Variants in ZC3H7A observed in about 807,000 individuals in gnomAD.
ZC3H7A encodes the protein zinc finger CCCH domain-containing protein 7A.
A neutral mutation model predicts 125.5 loss-of-function variants in ZC3H7A; 44 were observed. The ratio of observed to expected loss-of-function variants is 0.35; its 90% CI spans 0.28 to 0.45. The LOEUF (loss-of-function observed/expected upper bound fraction) is 0.45. ZC3H7A is among the 20% of genes least tolerant of loss of function. The pLI is 1.00. For synonymous variants in ZC3H7A, 399 were observed against 391.2 expected (o/e 1.02, Z -0.23); for missense variants, 977 against 1,170.7 (o/e 0.83, Z 2.41).
At chr16:11,778,839 G>C (rs565125776) in intron 4 of ZC3H7A, among the ~76,000 whole-genome samples, 1 of 151,760 alleles carries the variant, frequency 6.6e-6, no homozygotes, top group Non-Finnish European at 1.5e-5. Flanking sequence ...TCAGCCTCCC[G>C]GGCAGCTGGG....
intron 7 of ZC3H7A, 25 bp downstream of exon 7, chr16:11,776,295 A>G (rs187341336): frequency 6.3e-7 from 1 of 1,588,468 alleles, no homozygotes; most frequent in South Asian, 1.2e-5. Context: ...AAAAAATATA[A>G]TTTTGACAGA....
At chr16:11,776,654 G>C in intron 5 of ZC3H7A, 97 bp downstream of exon 5, 1 of 1,506,624 alleles carries the variant, frequency 6.6e-7, no homozygotes, top group Non-Finnish European at 8.9e-7. Flanking sequence ...CCCAACTGAA[G>C]CAGGTTGATG....
intron 9 of ZC3H7A, among the ~76,000 whole-genome samples, chr16:11,773,048 G>A (rs937311527): frequency 2.6e-5 from 4 of 151,864 alleles, no homozygotes; most frequent in Admixed American, 6.5e-5. Context: ...TAGGCCACAC[G>A]GTCCCTGTTG....
intron 19 of ZC3H7A, 43 bp downstream of exon 19, chr16:11,761,363 A>G (rs777987537): frequency 6.4e-7 from 1 of 1,556,012 alleles, no homozygotes; most frequent in South Asian, 1.1e-5. Flanking sequence ...AATGATTTGA[A>G]ATGCCTAATT....
Position 11,768,520 on chromosome 16 carries a change from GA to G in ZC3H7A, c.1174-20del, listed in dbSNP as rs34038330. 0.011 allele frequency: 12,743 copies of G among 1,132,822 alleles called. No homozygotes were observed. Among genetic ancestry groups the G allele is most frequent in the Middle Eastern group, 0.015 (50 of 3,402 alleles). 70.2% of individuals were successfully genotyped at this position (1,132,822 alleles called of 1,614,324 possible). ...CATTCATCTGCAAGAAAAATAAGAAGAAAAAAAAAAAAAACAGCCAACAAAT... is the reference window on the plus strand; with the variant it reads ...CATTCATCTGCAAGAAAAATAAGAAGAAAAAAAAAAAAACAGCCAACAAAT... On this transcript the variant is annotated intron_variant, in intron 11 of 22. Coordinates refer to ENST00000355758, the MANE Select transcript of ZC3H7A (RefSeq NM_014153.4).
chr16:11,795,481 G>A (rs979917816), intron 1 of ZC3H7A, among the ~76,000 whole-genome samples: 3 of 152,232 alleles, frequency 2.0e-5, no homozygotes, highest in Non-Finnish European at 4.4e-5. Context: ...CTGTTGCCCA[G>A]GGAGGAGTGC....
At chr16:11,767,873 C>T (rs529884427) in intron 12 of ZC3H7A, among the ~76,000 whole-genome samples, 1 of 152,202 alleles carries the variant, frequency 6.6e-6, no homozygotes, top group East Asian at 1.9e-4. Flanking sequence ...TCAGAATAAA[C>T]TGTGTTTATG....
At chr16:11,785,279 C>G (rs1490457252) in intron 1 of ZC3H7A, among the ~76,000 whole-genome samples, 1 of 151,936 alleles carries the variant, frequency 6.6e-6, no homozygotes, top group Non-Finnish European at 1.5e-5. Flanking sequence ...GTCGAGGTTG[C>G]AGTGAGCTAC....
At chr16:11,794,857 T>C (rs1259469881) in intron 1 of ZC3H7A, among the ~76,000 whole-genome samples, 1 of 152,228 alleles carries the variant, frequency 6.6e-6, no homozygotes, top group Non-Finnish European at 1.5e-5. Flanking sequence ...CCACCATTCT[T>C]ATTTGCAAAA....
intron 1 of ZC3H7A, among the ~76,000 whole-genome samples, chr16:11,794,681 T>G (rs986328138): frequency 1.3e-5 from 2 of 152,194 alleles, no homozygotes; most frequent in Admixed American, 6.6e-5. Context: ...TCTTTCTTCC[T>G]TTACTGAAAT....
intron 15 of ZC3H7A, 59 bp downstream of exon 15, chr16:11,764,994 T>C: frequency 8.2e-7 from 1 of 1,214,278 alleles, no homozygotes; most frequent in South Asian, 1.4e-5. Flanking sequence ...CTAGTTTTTA[T>C]TCAGATCTAG....
In ZC3H7A at chr16:11,765,196, T is replaced by C. The variant is rs778544892; in HGVS notation, c.1720-43A>G. On this transcript the variant is annotated intron_variant, in intron 14 of 22. Coordinates refer to ENST00000355758, the MANE Select transcript of ZC3H7A (RefSeq NM_014153.4). This position sits in a 1 kb window ranked among gnomAD's most constrained non-coding sequence, Gnocchi z 4.8. Reference sequence around the variant, plus strand: ...AGATTATCAAAAAAAATACAAAATATAAATTTTGTACCCAGAATATTGTCC... The same window carrying C: ...AGATTATCAAAAAAAATACAAAATACAAATTTTGTACCCAGAATATTGTCC... The C allele has an allele frequency of 1.6e-6, 2 of 1,255,540 alleles. No homozygotes were observed. The highest frequency in any genetic ancestry group is 2.2e-6 in the Non-Finnish European group (2 of 912,124). 77.8% of individuals were successfully genotyped at this position (1,255,540 alleles called of 1,614,324 possible). A position where few individuals can be genotyped will look rare whatever the true frequency, so the allele number is the denominator to read the frequency against.
chr16:11,763,776 T>TACACTG (rs1190535890), intron 15 of ZC3H7A, 117 bp from the exon 16 acceptor site: 1 of 222,308 alleles, frequency 4.5e-6, no homozygotes, highest in African/African-American at 2.5e-5. Context: ...TATAAAGTTC[T>TACACTG]ACACTGACAA....
At chr16:11,761,207 A>T (rs1223973716) in intron 19 of ZC3H7A, among the ~76,000 whole-genome samples, 199 bp downstream of exon 19, 1 of 152,216 alleles carries the variant, frequency 6.6e-6, no homozygotes, top group Admixed American at 6.5e-5. Context: ...AGTAACTCAT[A>T]AAATTCCAAT....
intron 22 of ZC3H7A, among the ~76,000 whole-genome samples, chr16:11,751,966 C>T (rs115237737): frequency 0.068 from 9,612 of 141,706 alleles, 368 homozygotes; most frequent in Middle Eastern, 0.13. Flanking sequence ...AGTGCAGTAA[C>T]GCAACCTCGG....
Position 11,763,411 on chromosome 16 carries a change from A to C in ZC3H7A, c.2002+67T>G, listed in dbSNP as rs372963328. 422 of 1,489,122 alleles carry C rather than the reference A, an allele frequency of 2.8e-4. No individual in the cohort carries two copies. In the African/African-American group the frequency reaches 5.5e-3, roughly 19 times the overall value. 92.2% of individuals were successfully genotyped at this position (1,489,122 alleles called of 1,614,324 possible). ...GGCATGAGCCACCACGCCAGGCCCA[A>C]ATTACTGTTTCATTAAACCCTGTCT... On this transcript the variant is annotated intron_variant, in intron 16 of 22. Transcript: ENST00000355758.
chr16:11,757,413 G>T (rs1472428562), intron 20 of ZC3H7A, among the ~76,000 whole-genome samples: 1 of 150,250 alleles, frequency 6.7e-6, no homozygotes, highest in Non-Finnish European at 1.5e-5. Context: ...GAACCCGGGA[G>T]GCGGAGCTTG....
At chr16:11,759,390 G>C (rs565608642) in intron 19 of ZC3H7A, 5 of 152,172 alleles carry the variant, frequency 3.3e-5, no homozygotes, top group Non-Finnish European at 7.3e-5. Context: ...CATCTGTCAC[G>C]TTTTTCAGAG....
intron 19 of ZC3H7A, chr16:11,759,582 T>C (rs2052707252): frequency 6.6e-6 from 1 of 152,180 alleles, no homozygotes; most frequent in Non-Finnish European, 1.5e-5. Flanking sequence ...TTTACCATAG[T>C]CTTTCAAAGC....
Sources: gnomAD v4.1 joint callset for allele counts (sites outside exome capture counted in the v4.1 genomes callset) on GRCh38, gnomAD v4.1.1 for gene constraint, Gnocchi (gnomAD v3.1) non-coding constraint, MANE v1.5 for transcripts, NCBI Gene and HGNC (gene_info 2026-07-23, HGNC 2026-07-21) for gene names.